SCAPER: variants seen among roughly 807,000 people sequenced by gnomAD.
SCAPER encodes S-phase cyclin A associated protein in the ER.
A neutral mutation model predicts 182.2 loss-of-function variants in SCAPER; 98 were observed. The ratio of observed to expected loss-of-function variants is 0.54; its 90% CI spans 0.46 to 0.64. The LOEUF (loss-of-function observed/expected upper bound fraction) is 0.64, where lower values mean the gene tolerates loss of function less well. Ranked by LOEUF, SCAPER falls within the 30% of genes least tolerant of loss-of-function variation. SCAPER has a pLI of 0.00. For synonymous variants in SCAPER, 605 were observed against 564.6 expected, an observed-to-expected ratio of 1.07 and a Z score of -1.01; for missense variants, 1,432 against 1,690.0, an observed-to-expected ratio of 0.85 and a Z score of 2.68.
At chr15:76,552,603 C>T (rs1597354464) in intron 23 of SCAPER, among the ~76,000 whole-genome samples, 1 of 152,130 alleles carries the variant, frequency 6.6e-6, no homozygotes, top group South Asian at 2.1e-4. Context: ...TGCAGGAGAA[C>T]TCATGACCCC....
chr15:76,828,307 C>G (rs945874222), intron 5 of SCAPER, among the ~76,000 whole-genome samples: 1 of 151,626 alleles, frequency 6.6e-6, no homozygotes. Context: ...GACAACCAGA[C>G]AAGTCAAATT....
At chr15:76,648,977 A>G (rs1355637485) in intron 21 of SCAPER, among the ~76,000 whole-genome samples, 1 of 152,212 alleles carries the variant, frequency 6.6e-6, no homozygotes, top group Admixed American at 6.5e-5. Flanking sequence ...CAAACAGCAC[A>G]CCTGGTCCAA....
At chr15:76,566,219 T>C (rs1320893400) in intron 23 of SCAPER, among the ~76,000 whole-genome samples, 1 of 152,206 alleles carries the variant, frequency 6.6e-6, no homozygotes, top group African/African-American at 2.4e-5. Flanking sequence ...TCTACCTTTC[T>C]ACCTTATACA....
At chr15:76,707,720 A>G (rs140932717) in intron 17 of SCAPER, among the ~76,000 whole-genome samples, 3 of 152,298 alleles carry the variant, frequency 2.0e-5, no homozygotes, top group African/African-American at 7.2e-5. Flanking sequence ...AGCAGTATAC[A>G]GAAGACCAGA....
intron 7 of SCAPER, among the ~76,000 whole-genome samples, chr15:76,797,005 T>C (rs1201341171): frequency 6.6e-6 from 1 of 152,190 alleles, no homozygotes; most frequent in Non-Finnish European, 1.5e-5. Context: ...GGCAGTAATC[T>C]TGCCTCAAAG....
At chr15:76,517,919 T>G (rs1367170397) in intron 23 of SCAPER, among the ~76,000 whole-genome samples, 1 of 152,096 alleles carries the variant, frequency 6.6e-6, no homozygotes, top group African/African-American at 2.4e-5. Flanking sequence ...AAAAAATCCT[T>G]GAAATAATCC....
chr15:76,747,996 C>CT (rs71447121), intron 15 of SCAPER, among the ~76,000 whole-genome samples: 100 of 132,420 alleles, frequency 7.6e-4, no homozygotes, highest in Admixed American at 1.4e-3. Context: ...TTTTTTTTTC[C>CT]TTTTTTTTTT....
chr15:76,770,919 T>C (rs949487417), intron 10 of SCAPER, among the ~76,000 whole-genome samples: 12 of 152,106 alleles, frequency 7.9e-5, no homozygotes, highest in Non-Finnish European at 1.6e-4. Flanking sequence ...CTATAACCTT[T>C]TCCTTTTTAC....
chr15:76,402,078 G>C (rs1185246064), intron 27 of SCAPER, among the ~76,000 whole-genome samples: 1 of 152,160 alleles, frequency 6.6e-6, no homozygotes, highest in African/African-American at 2.4e-5. Flanking sequence ...AGTGAGCTGA[G>C]ATAGTGCCTC....
intron 22 of SCAPER, among the ~76,000 whole-genome samples, chr15:76,616,003 C>T (rs946985419): frequency 6.6e-5 from 10 of 152,080 alleles, no homozygotes; most frequent in African/African-American, 2.4e-4. Context: ...GATATTGTTA[C>T]TCTTGTGCAG....
intron 1 of SCAPER, among the ~76,000 whole-genome samples, chr15:76,893,383 G>T (rs753800164): frequency 6.6e-6 from 1 of 151,988 alleles, no homozygotes; most frequent in Non-Finnish European, 1.5e-5. Flanking sequence ...GGATATAACC[G>T]TTGTAGATAT....
intron 4 of SCAPER, among the ~76,000 whole-genome samples, chr15:76,842,379 T>C (rs2069564922): frequency 6.6e-6 from 1 of 152,160 alleles, no homozygotes; most frequent in Non-Finnish European, 1.5e-5. Flanking sequence ...GTTTCCCCCA[T>C]GCTGTTCTCA....
intron 8 of SCAPER, among the ~76,000 whole-genome samples, chr15:76,787,334 A>AT (rs1336168806): frequency 3.9e-5 from 6 of 152,286 alleles, no homozygotes; most frequent in Non-Finnish European, 8.8e-5. Flanking sequence ...TGGCCAGCTA[A>AT]TTTTTTATAA....
At chr15:76,542,078 T>A (rs1255826954) in intron 23 of SCAPER, among the ~76,000 whole-genome samples, 1 of 152,194 alleles carries the variant, frequency 6.6e-6, no homozygotes, top group Non-Finnish European at 1.5e-5. Context: ...GTTCTACTCA[T>A]CTGACTATTT....
intron 26 of SCAPER, among the ~76,000 whole-genome samples, chr15:76,426,709 A>G (rs112458245): frequency 0.024 from 3,653 of 152,272 alleles, 146 homozygotes; most frequent in African/African-American, 0.082. Context: ...CACAAAAAAA[A>G]CAATCCTAAA....
At chr15:76,608,496 C>G (rs1879988271) in intron 22 of SCAPER, among the ~76,000 whole-genome samples, 1 of 152,190 alleles carries the variant, frequency 6.6e-6, no homozygotes, top group African/African-American at 2.4e-5. Flanking sequence ...TCTGCCCGTT[C>G]TCAGATCTCA....
chr15:76,356,505 T>C (rs1328239026), intron 29 of SCAPER, among the ~76,000 whole-genome samples: 4 of 152,206 alleles, frequency 2.6e-5, no homozygotes, highest in African/African-American at 9.7e-5. Context: ...GGAGTCATCA[T>C]GGAATATGAG....
intron 24 of SCAPER, 127 bp from the exon 25 acceptor site, chr15:76,471,462 C>T: frequency 9.4e-7 from 1 of 1,063,802 alleles, no homozygotes; most frequent in East Asian, 3.0e-5. Flanking sequence ...AAAACCAAGC[C>T]AAATACTATT....
At chr15:76,613,501 G>GA (rs1410725686) in intron 22 of SCAPER, among the ~76,000 whole-genome samples, 2 of 152,236 alleles carry the variant, frequency 1.3e-5, no homozygotes, top group East Asian at 3.9e-4. Context: ...CAGAATGGGA[G>GA]AAAATTCTTG....
Sources: allele counts gnomAD v4.1 joint callset (sites outside exome capture counted in the v4.1 genomes callset), GRCh38; gene constraint gnomAD v4.1.1; transcripts MANE v1.5; gene names NCBI Gene and HGNC (gene_info 2026-07-23, HGNC 2026-07-21).